The following PHF2 variants were observed in gnomAD, a reference collection of about 807,000 sequenced individuals.
PHF2 encodes the protein PHD finger protein 2.
Under a neutral mutation model 120.5 loss-of-function variants are expected in PHF2, and 27 were observed. That is an observed-to-expected ratio of 0.22 (90% confidence interval 0.17 to 0.31). PHF2 has a LOEUF of 0.31. PHF2 is among the 10% of genes least tolerant of loss of function. PHF2 has a pLI of 1.00. For missense variants in PHF2, 1,024 were observed against 1,434.8 expected (o/e 0.71, Z 4.63); for synonymous variants, 568 against 592.5 (o/e 0.96, Z 0.60).
chr9:93,608,609 A>G (rs543313985), intron 1 of PHF2, among the ~76,000 whole-genome samples: 48 of 152,188 alleles, frequency 3.2e-4, no homozygotes, highest in African/African-American at 1.1e-3. Flanking sequence ...TAATTATTCA[A>G]TTTCTTTAAT....
At chr9:93,577,486 AGGACCCCTCCC>A (rs1186443830) in intron 1 of PHF2, among the ~76,000 whole-genome samples, 1 of 152,066 alleles carries the variant, frequency 6.6e-6, no homozygotes, top group Non-Finnish European at 1.5e-5. Flanking sequence ...CCCCGAGGGC[AGGACCCCTCCC>A]GGACCCCCGC....
At chr9:93,619,500 G>A (rs1014132624) in intron 1 of PHF2, among the ~76,000 whole-genome samples, 5 of 152,260 alleles carry the variant, frequency 3.3e-5, no homozygotes, top group African/African-American at 1.2e-4. Context: ...GGTGGTGGAT[G>A]CGGGCCTTCA....
At chr9:93,665,892 G>T in intron 15 of PHF2, 28 bp downstream of exon 15, 1 of 1,612,702 alleles carries the variant, frequency 6.2e-7, no homozygotes, top group Non-Finnish European at 8.5e-7. Flanking sequence ...GTTGGGGGAG[G>T]GGTGTGGGAG....
At chr9:93,645,584 G>T (rs369416499) in intron 3 of PHF2, 45 bp from the exon 4 acceptor site, 2 of 1,508,604 alleles carry the variant, frequency 1.3e-6, no homozygotes, top group African/African-American at 1.4e-5. Context: ...CCCGGTGCAG[G>T]AGGCCTCGGG....
chr9:93,667,029 C>T (rs1345375032), intron 16 of PHF2, 51 bp from the exon 17 acceptor site: 1 of 1,520,510 alleles, frequency 6.6e-7, no homozygotes, highest in Admixed American at 2.3e-5. Flanking sequence ...TCCCAGGCCA[C>T]TTTGGTGGCC....
chr9:93,619,680 G>T (rs1197416746), intron 1 of PHF2, among the ~76,000 whole-genome samples: 1 of 152,196 alleles, frequency 6.6e-6, no homozygotes, highest in Non-Finnish European at 1.5e-5. Context: ...CCCGTGGCCC[G>T]TGCTCTATGC....
Position 93,676,782 on chromosome 9 carries a change from C to G in PHF2, c.3021C>G (p.Gly1007=). 1.3e-6 allele frequency: 2 copies of G among 1,551,998 alleles called. No homozygotes were observed. Among genetic ancestry groups the G allele is most frequent in the Non-Finnish European group, 1.7e-6 (2 of 1,147,638 alleles). Residue 1007 remains glycine (G), a synonymous_variant, in exon 21 of 22, where the codon GGC becomes GGG. Transcript: ENST00000359246. ...CCAGCAGCCAGGCCTCGCAGGAGGGCAGCTCGCCAGAGCCCCCGCCTGAGT... is the reference window on the plus strand; with the variant it reads ...CCAGCAGCCAGGCCTCGCAGGAGGGGAGCTCGCCAGAGCCCCCGCCTGAGT... The part of the protein sequence containing the change: ...STASSQASQE[G]SSPEPPPESH...
At position 93,629,824 on chromosome 9, in the gene PHF2, A is replaced by G. The variant is rs751834037; in HGVS notation, c.99-146A>G. On this transcript the variant is annotated intron_variant, in intron 1 of 21. Transcript: ENST00000359246. The stretch of plus-strand genomic sequence containing the variant: ...CTCTTTCCCTCCACCCTGCTTTCCT[A>G]GTAGAACACTGTCCCTGCACAGCTG... 107 of 742,372 alleles carry G rather than the reference A, an allele frequency of 1.4e-4. No homozygotes were observed. The highest frequency in any genetic ancestry group is 2.6e-4 in the Admixed American group (12 of 46,454). 46.0% of individuals were successfully genotyped at this position (742,372 alleles called of 1,614,324 possible). A position where few individuals can be genotyped will look rare whatever the true frequency, so the allele number is the denominator to read the frequency against.
chr9:93,628,378 T>A (rs1034861827), intron 1 of PHF2, among the ~76,000 whole-genome samples: 2 of 152,046 alleles, frequency 1.3e-5, no homozygotes, highest in Non-Finnish European at 2.9e-5. Context: ...TTGGGGGAGG[T>A]TTTTTGATTA....
At chr9:93,663,068 T>C (rs117578535) in intron 13 of PHF2, 42 bp downstream of exon 13, 19,411 of 1,612,182 alleles carry the variant, frequency 0.012, 152 homozygotes, top group Non-Finnish European at 0.015. Context: ...GTGTGTCAGC[T>C]TGGTGAGTGT....
At chr9:93,585,169 C>A (rs566194460) in intron 1 of PHF2, among the ~76,000 whole-genome samples, 1 of 152,274 alleles carries the variant, frequency 6.6e-6, no homozygotes, top group African/African-American at 2.4e-5. Flanking sequence ...TGCTGTGTGC[C>A]CAGTGCATGC....
intron 1 of PHF2, among the ~76,000 whole-genome samples, chr9:93,597,908 A>G (rs1825364248): frequency 6.6e-6 from 1 of 152,112 alleles, no homozygotes; most frequent in Non-Finnish European, 1.5e-5. Context: ...CCTCCTCCCC[A>G]GGAGAGCATC....
At chr9:93,597,035 AT>A (rs1390007203) in intron 1 of PHF2, among the ~76,000 whole-genome samples, 1 of 142,336 alleles carries the variant, frequency 7.0e-6, no homozygotes, top group Non-Finnish European at 1.5e-5. Context: ...AGTTCATGCC[AT>A]TCTCCAGCCT....
Position 93,656,086 on chromosome 9 carries a change from G to A in PHF2, c.1040+65G>A, listed in dbSNP as rs1187842092. On this transcript the variant is annotated intron_variant, in intron 8 of 21. Coordinates refer to ENST00000359246, the MANE Select transcript of PHF2 (RefSeq NM_005392.4). This position sits in a 1 kb window ranked among gnomAD's most constrained non-coding sequence, Gnocchi z 4.1. ...GCAGCGTCCTCCCTCTAGCTGGGTC[G>A]GTGCTAGATGCCTTGGGCTGAGTCC... 15 of 1,350,954 alleles carry A rather than the reference G, an allele frequency of 1.1e-5. No individual in the cohort carries two copies. Among genetic ancestry groups the A allele is most frequent in the East Asian group, 2.5e-5 (1 of 40,472 alleles). The allele number at this position is 1,350,954 out of a possible 1,614,324, so 83.7% of individuals were successfully genotyped here.
Position 93,658,233 on chromosome 9 carries a change from G to C in PHF2, c.1236G>C (p.Lys412Asn). The C allele has an allele frequency of 1.9e-6, 3 of 1,609,912 alleles. No individual in the cohort carries two copies. The highest frequency in any genetic ancestry group is 2.5e-6 in the Non-Finnish European group (3 of 1,178,256). Residue 412 changes from lysine to asparagine, a missense_variant, in exon 10 of 22, where the codon AAG (lysine) becomes AAC (asparagine). This residue lies in a region of PHF2 where 347 missense variants were observed against 577.4 expected (regional missense o/e 0.60). Transcript: ENST00000359246. ...GTGCTTTCCGATCGTGGACGAAGAA[G>C]CAGGTAGGAATCATGTCACAAATGC... ...LNGAFRSWTK[K>N]QALAEHEDEL...
At chr9:93,594,667 G>C (rs1392199901) in intron 1 of PHF2, among the ~76,000 whole-genome samples, 12 of 152,208 alleles carry the variant, frequency 7.9e-5, no homozygotes, top group Admixed American at 7.9e-4. Flanking sequence ...GACAGCATGA[G>C]TGGGAGAGCA....
chr9:93,611,307 C>T (rs535007225), intron 1 of PHF2, among the ~76,000 whole-genome samples: 3 of 151,710 alleles, frequency 2.0e-5, no homozygotes, highest in African/African-American at 7.3e-5. Flanking sequence ...CCCAGCTACT[C>T]AGGAGCCTGA....
At chr9:93,649,873 CTT>C (rs888940648) in intron 5 of PHF2, among the ~76,000 whole-genome samples, 1 of 152,012 alleles carries the variant, frequency 6.6e-6, no homozygotes. Flanking sequence ...CATGGACACA[CTT>C]GTCAACACAC....
At chr9:93,632,684 C>A (rs1826020932) in intron 2 of PHF2, among the ~76,000 whole-genome samples, 2 of 152,160 alleles carry the variant, frequency 1.3e-5, no homozygotes, top group African/African-American at 4.8e-5. Context: ...AAAGGCCCCA[C>A]CTCATAAAAT....
Sources: gnomAD v4.1 joint callset for allele counts (sites outside exome capture counted in the v4.1 genomes callset) on GRCh38, gnomAD v4.1.1 for gene constraint, gnomAD v4.1.1 regional missense constraint, Gnocchi (gnomAD v3.1) non-coding constraint, MANE v1.5 for transcripts, NCBI Gene and HGNC (gene_info 2026-07-23, HGNC 2026-07-21) for gene names.